KRT85: variants seen among roughly 807,000 people sequenced by gnomAD.
The protein encoded by KRT85 is keratin 85.
A neutral mutation model predicts 53.7 loss-of-function variants in KRT85; 39 were observed. That is an observed-to-expected ratio of 0.73 (90% CI 0.56 to 0.95). The LOEUF is 0.95. Ranked by LOEUF, KRT85 falls within the 40% of genes least tolerant of loss-of-function variation. KRT85 has a pLI of 0.00. For missense variants in KRT85, 668 were observed against 686.0 expected, an observed-to-expected ratio of 0.97 and a Z score of 0.29; for synonymous variants, 291 against 277.5, an observed-to-expected ratio of 1.05 and a Z score of -0.48.
chr12:52,363,976 C>G lies in KRT85; in HGVS notation c.786+92G>C, dbSNP rs1939233273. 5 of 979,532 alleles carry G rather than the reference C, an allele frequency of 5.1e-6. No individual in the cohort carries two copies. In the Admixed American group the frequency reaches 8.4e-5, roughly 17 times the overall value. 60.7% of individuals were successfully genotyped at this position (979,532 alleles called of 1,614,324 possible). On this transcript the variant is annotated intron_variant, in intron 4 of 8. Coordinates refer to ENST00000257901, the MANE Select transcript of KRT85 (RefSeq NM_002283.4). ...CACACTTACATTGCACATTGGCAAA[C>G]ATAGGCACACACATGCACCCTTGCC...
At chr12:52,364,562 T>C (rs906127375) in intron 2 of KRT85, 196 bp from the exon 3 acceptor site, 1 of 1,460,530 alleles carries the variant, frequency 6.8e-7, no homozygotes, top group Non-Finnish European at 9.0e-7. Context: ...GCCGCAGTCC[T>C]TCTGCCTCTG....
intron 1 of KRT85, among the ~76,000 whole-genome samples, chr12:52,366,675 GTA>G (rs1491459881): frequency 8.4e-6 from 1 of 119,596 alleles, no homozygotes; most frequent in Non-Finnish European, 1.9e-5. Context: ...TCACACACAT[GTA>G]CACACACACA....
intron 4 of KRT85, 72 bp from the exon 5 acceptor site, chr12:52,363,482 A>T: frequency 6.5e-7 from 1 of 1,549,966 alleles, no homozygotes; most frequent in Non-Finnish European, 8.9e-7. Context: ...CCAGGGGACA[A>T]TGTCCACTTC....
intron 5 of KRT85, 53 bp downstream of exon 5, chr12:52,363,193 C>T: frequency 6.2e-7 from 1 of 1,609,322 alleles, no homozygotes; most frequent in South Asian, 1.1e-5. Flanking sequence ...TAATAGATGC[C>T]TAACTTCCCT....
At chr12:52,362,579 G>A in intron 6 of KRT85, 108 bp from the exon 7 acceptor site, 1 of 1,422,556 alleles carries the variant, frequency 7.0e-7, no homozygotes, top group Admixed American at 1.9e-5. Flanking sequence ...AGAGAAGGTT[G>A]GCCCGTGGCC....
chr12:52,362,132 A>T, intron 7 of KRT85, 119 bp downstream of exon 7: 1 of 1,162,270 alleles, frequency 8.6e-7, no homozygotes, highest in Non-Finnish European at 1.3e-6. Context: ...TATTATTATT[A>T]TTGAAGCTAT....
At chr12:52,366,100 C>A (rs1406325553) in intron 1 of KRT85, among the ~76,000 whole-genome samples, 1 of 152,216 alleles carries the variant, frequency 6.6e-6, no homozygotes, top group African/African-American at 2.4e-5. Context: ...CCTCCCCCGA[C>A]AAAACTTTCT....
In KRT85 at chr12:52,367,139, T is replaced by C. The variant is rs763591364; in HGVS notation, c.267A>G (p.Gly89=). 147 of 1,613,232 alleles carry C rather than the reference T, an allele frequency of 9.1e-5. No individual in the cohort carries two copies. Among genetic ancestry groups the C allele is most frequent in the Non-Finnish European group, 1.2e-4 (138 of 1,180,014 alleles). The change falls in exon 1 of 9, where the codon GGA becomes GGG. Residue 89 remains glycine, a synonymous_variant. Transcript: ENST00000257901. ...CGGTAGTGATGCATGGGGGGCTGGG[T>C]CCGCACACGCCCCCGGAGCGGTAGC... is the stretch of plus-strand genomic sequence containing the variant. ...SFGYRSGGVC[G]PSPPCITTVS...
At position 52,360,874 on chromosome 12, in the gene KRT85, G is replaced by A; in HGVS notation, c.1503C>T (p.Ser501=). The change falls in exon 9 of 9, where the codon AGC becomes AGT. Residue 501 remains serine, a synonymous_variant. Transcript: ENST00000257901. ...TCTACTAGGCAAAGCGGACCGACCG[G>A]CTACTCCCGCAGCTGAAGCTGGAGG... ...PRSSSFSCGS[S]RSVRFA is the part of the protein sequence containing the mutation. 6.2e-7 allele frequency: 1 copy of A among 1,612,252 alleles called. No individual in the cohort carries two copies. Among genetic ancestry groups the A allele is most frequent in the Non-Finnish European group, 8.5e-7 (1 of 1,180,016 alleles).
chr12:52,361,897 A>G (rs556764779), intron 7 of KRT85, among the ~76,000 whole-genome samples: 17 of 152,266 alleles, frequency 1.1e-4, no homozygotes, highest in Admixed American at 3.9e-4. Flanking sequence ...CAGCTTCAGT[A>G]GGAAGCTATT....
chr12:52,363,775 A>G (rs1431826034), intron 4 of KRT85, among the ~76,000 whole-genome samples: 1 of 152,128 alleles, frequency 6.6e-6, no homozygotes, highest in Non-Finnish European at 1.5e-5. Context: ...CCCACCACAC[A>G]TGCACACTCT....
chr12:52,363,087 C>T, intron 5 of KRT85, 108 bp from the exon 6 acceptor site: 1 of 1,567,088 alleles, frequency 6.4e-7, no homozygotes, highest in South Asian at 1.1e-5. Context: ...TGCAACCACA[C>T]ATGGCAGTCC....
At chr12:52,365,750 C>T (rs1413001756) in intron 1 of KRT85, among the ~76,000 whole-genome samples, 2 of 152,176 alleles carry the variant, frequency 1.3e-5, no homozygotes, top group Non-Finnish European at 2.9e-5. Context: ...ATATTACTTA[C>T]CCCATGTTGC....
At chr12:52,362,535 T>A in intron 6 of KRT85, 64 bp from the exon 7 acceptor site, 1 of 1,591,106 alleles carries the variant, frequency 6.3e-7, no homozygotes, top group Non-Finnish European at 8.6e-7. Context: ...TCACCCAAGC[T>A]GATGGAGCCA....
chr12:52,361,369 G>A (rs1263536448), intron 8 of KRT85, 98 bp downstream of exon 8: 12 of 1,142,082 alleles, frequency 1.1e-5, no homozygotes, highest in Non-Finnish European at 1.6e-5. Context: ...GGGTGAAACA[G>A]TTGGGGGAAC....
chr12:52,363,093 A>G, intron 5 of KRT85, 114 bp from the exon 6 acceptor site: 2 of 1,564,290 alleles, frequency 1.3e-6, no homozygotes, highest in Non-Finnish European at 8.7e-7. Flanking sequence ...CACACATGGC[A>G]GTCCTGCCCT....
chr12:52,363,457 G>A (rs769205477), intron 4 of KRT85, 47 bp from the exon 5 acceptor site: 1 of 1,609,672 alleles, frequency 6.2e-7, no homozygotes, highest in Non-Finnish European at 8.5e-7. Flanking sequence ...CCTGATCTGG[G>A]CCACGTGATC....
chr12:52,362,848 C>T lies in KRT85; in HGVS notation c.1077+6G>A. 6.2e-7 allele frequency: 1 copy of T among 1,614,192 alleles called. No homozygotes were observed. The highest frequency in any genetic ancestry group is 8.5e-7 in the Non-Finnish European group (1 of 1,180,046). ...GCTGCGTATTTGAATCCTCCACAGACCCCACCTGGCACTTGGCATTCTCAA... is the reference window on the plus strand; with the variant it reads ...GCTGCGTATTTGAATCCTCCACAGATCCCACCTGGCACTTGGCATTCTCAA... On this transcript the variant is annotated splice_donor_region_variant and intron_variant, in intron 6 of 8. Transcript: ENST00000257901.
Position 52,367,154 on chromosome 12 carries a change from G to A in KRT85, c.252C>T (p.Ser84=), listed in dbSNP as rs1047930378. ...GGGGGCTGGGTCCGCACACGCCCCC[G>A]GAGCGGTAGCCGAAGCTGCGTCCGC... ...GSCGRSFGYR[S]GGVCGPSPPC... The change falls in exon 1 of 9, where the codon TCC becomes TCT. Residue 84 remains serine (S), a synonymous_variant. Coordinates refer to ENST00000257901, the MANE Select transcript of KRT85 (RefSeq NM_002283.4). The A allele has an allele frequency of 3.1e-6, 5 of 1,613,508 alleles. No homozygotes were observed. Among genetic ancestry groups the A allele is most frequent in the East Asian group, 4.5e-5 (2 of 44,898 alleles).
Sources: allele counts gnomAD v4.1 joint callset (sites outside exome capture counted in the v4.1 genomes callset), GRCh38; gene constraint gnomAD v4.1.1; transcripts MANE v1.5; gene names NCBI Gene and HGNC (gene_info 2026-07-23, HGNC 2026-07-21).